STK32A: variants seen among roughly 807,000 people sequenced by gnomAD.
STK32A encodes the protein serine/threonine kinase 32A.
In STK32A, 41 loss-of-function variants were observed where a neutral mutation model predicts 53.2. That is an observed-to-expected ratio of 0.77 (90% CI 0.60 to 1.00). The LOEUF is 1.00. Among genes scored for constraint, STK32A ranks in the 50% least tolerant of loss-of-function variants. The probability of loss-of-function intolerance (pLI) is 0.00; values close to 1 mark genes in which losing one functional copy is unlikely to be tolerated. For synonymous variants in STK32A, 166 were observed against 162.8 expected, an observed-to-expected ratio of 1.02 and a Z score of -0.15; for missense variants, 458 against 485.8, an observed-to-expected ratio of 0.94 and a Z score of 0.54.
At chr5:147,399,425 C>G in the STK32A span, among the ~76,000 whole-genome samples, 12,102 of 152,080 alleles carry the variant, frequency 0.08, 671 homozygotes, top group Non-Finnish European at 0.13. Context: ...GCTGGGCTGT[C>G]GTGACTACTC....
chr5:147,263,760 A>T (rs1754687265), intron 2 of STK32A, among the ~76,000 whole-genome samples: 1 of 147,890 alleles, frequency 6.8e-6, no homozygotes, highest in African/African-American at 2.5e-5. Context: ...TAATAGGTAT[A>T]GAAAGAGAGA....
chr5:147,401,593 T>G, the STK32A span: 1 of 1,613,638 alleles, frequency 6.2e-7, no homozygotes, highest in Non-Finnish European at 8.5e-7. Context: ...GGCTCAGGGG[T>G]GGGGATGTCA....
At chr5:147,319,971 A>G (rs1754221998) in intron 4 of STK32A, among the ~76,000 whole-genome samples, 1 of 152,214 alleles carries the variant, frequency 6.6e-6, no homozygotes, top group African/African-American at 2.4e-5. Flanking sequence ...ACTGCAGCCC[A>G]TAACGAGAAA....
chr5:147,267,990 A>G (rs548307250), intron 2 of STK32A, among the ~76,000 whole-genome samples: 2 of 152,134 alleles, frequency 1.3e-5, no homozygotes, highest in Non-Finnish European at 2.9e-5. Context: ...CAAAATCCTC[A>G]TGGGATCTTT....
chr5:147,309,560 T>C (rs755770054), intron 4 of STK32A, among the ~76,000 whole-genome samples: 2 of 152,188 alleles, frequency 1.3e-5, no homozygotes, highest in Admixed American at 6.6e-5. Context: ...TGGAGTTTAA[T>C]TGGGTGAGGT....
Position 147,306,029 on chromosome 5 carries a change from A to T in STK32A, c.261-17869A>T, listed in dbSNP as rs142603740. Among the ~76,000 whole-genome samples, 58 of 151,992 alleles carry T rather than the reference A, an allele frequency of 3.8e-4. No individual in the cohort carries two copies. In the East Asian group the frequency reaches 0.011, roughly 29 times the overall value. The stretch of plus-strand genomic sequence containing the variant: ...GGGTTTACATAGGTTTAGCTGGCAA[A>T]CAATTTTCCAAAGAGCTTGTGCCAG... On this transcript the variant is annotated intron_variant, in intron 4 of 12. Coordinates refer to ENST00000397936, the MANE Select transcript of STK32A (RefSeq NM_001112724.2).
chr5:147,303,707 G>A (rs550235342), intron 4 of STK32A, among the ~76,000 whole-genome samples: 10 of 152,284 alleles, frequency 6.6e-5, no homozygotes, highest in Non-Finnish European at 1.3e-4. Context: ...TATAAACACT[G>A]CAAGAACTCA....
chr5:147,346,347 ATC>A (rs1203871689), intron 6 of STK32A, among the ~76,000 whole-genome samples: 1 of 152,160 alleles, frequency 6.6e-6, no homozygotes, highest in East Asian at 1.9e-4. Context: ...GTAACCACCT[ATC>A]TCTCTGGTGC....
Position 147,257,450 on chromosome 5 carries a change from G to A in STK32A, c.52+17764G>A, listed in dbSNP as rs970603673. Among the ~76,000 whole-genome samples, 9 of 152,286 alleles carry A rather than the reference G, an allele frequency of 5.9e-5. No individual in the cohort carries two copies. In the East Asian group the frequency reaches 1.7e-3, roughly 29 times the overall value. ...GCAAGCATTAAGTGCAATAGTTTGAGGCAAAATTGACTTGGTTATGTTAAT... is the reference window on the plus strand; with the variant it reads ...GCAAGCATTAAGTGCAATAGTTTGAAGCAAAATTGACTTGGTTATGTTAAT... On this transcript the variant is annotated intron_variant, in intron 2 of 12. Coordinates refer to ENST00000397936, the MANE Select transcript of STK32A (RefSeq NM_001112724.2).
chr5:147,288,280 A>G (rs1752437821), intron 4 of STK32A, among the ~76,000 whole-genome samples: 1 of 152,194 alleles, frequency 6.6e-6, no homozygotes, highest in Admixed American at 6.5e-5. Flanking sequence ...TGTCTTCCAA[A>G]CCATGAGAAA....
chr5:147,301,691 C>T (rs1310004319), intron 4 of STK32A, among the ~76,000 whole-genome samples: 2 of 152,150 alleles, frequency 1.3e-5, no homozygotes, highest in Non-Finnish European at 2.9e-5. Flanking sequence ...TCCGTTGCTG[C>T]GGTAACAAAT....
intron 4 of STK32A, among the ~76,000 whole-genome samples, chr5:147,306,504 T>C (rs1243164074): frequency 6.6e-6 from 1 of 151,522 alleles, no homozygotes; most frequent in African/African-American, 2.4e-5. Flanking sequence ...TACTATCAAG[T>C]TGGCAATAAT....
chr5:147,324,907 G>A (rs1754504306), intron 5 of STK32A, among the ~76,000 whole-genome samples: 1 of 152,070 alleles, frequency 6.6e-6, no homozygotes, highest in Admixed American at 6.6e-5. Context: ...GCACTCCTAG[G>A]TACTTTATGT....
chr5:147,289,865 C>G (rs369875341), intron 4 of STK32A, among the ~76,000 whole-genome samples: 75 of 152,270 alleles, frequency 4.9e-4, no homozygotes, highest in African/African-American at 1.8e-3. Flanking sequence ...ATCATTCCTT[C>G]TTTCACCTAT....
intron 6 of STK32A, 143 bp downstream of exon 6, chr5:147,343,186 T>C: frequency 1.1e-6 from 1 of 880,206 alleles, no homozygotes; most frequent in South Asian, 1.3e-5. Context: ...ATAGACAATA[T>C]GGGGGAACTT....
At chr5:147,351,729 C>T (rs535831634) in intron 7 of STK32A, among the ~76,000 whole-genome samples, 3 of 152,106 alleles carry the variant, frequency 2.0e-5, no homozygotes, top group African/African-American at 7.2e-5. Flanking sequence ...CGCCTGTAGT[C>T]CCAGCTACTC....
At chr5:147,284,691 C>CAAAAAAAAAAAAAAAAAAAAAAAAA (rs1401748709) in intron 4 of STK32A, among the ~76,000 whole-genome samples, 5 of 61,460 alleles carry the variant, frequency 8.1e-5, no homozygotes, top group Non-Finnish European at 1.8e-4. Context: ...CAAAACAAGA[C>CAAAAAAAAAAAAAAAAAAAAAAAAA]AAAACAAAAA....
intron 8 of STK32A, among the ~76,000 whole-genome samples, chr5:147,364,370 T>G (rs1463340882): frequency 6.6e-6 from 1 of 152,174 alleles, no homozygotes; most frequent in Non-Finnish European, 1.5e-5. Flanking sequence ...CAATAACATG[T>G]TCCTCATTTC....
chr5:147,359,871 C>G (rs1581136089), intron 7 of STK32A, among the ~76,000 whole-genome samples: 1 of 152,132 alleles, frequency 6.6e-6, no homozygotes, highest in South Asian at 2.1e-4. Flanking sequence ...CTCTACCTCT[C>G]TAGTTGGATG....
Sources: allele counts gnomAD v4.1 joint callset (sites outside exome capture counted in the v4.1 genomes callset), GRCh38; gene constraint gnomAD v4.1.1; transcripts MANE v1.5; gene names NCBI Gene and HGNC (gene_info 2026-07-23, HGNC 2026-07-21).